CSMD1: variants seen among roughly 807,000 people sequenced by gnomAD.
The protein encoded by CSMD1 is CUB and Sushi multiple domains 1.
Under a neutral mutation model 417.5 loss-of-function variants are expected in CSMD1, and 213 were observed. That is an observed-to-expected ratio of 0.51 (90% CI 0.46 to 0.57). CSMD1 has a LOEUF of 0.57. CSMD1 is among the 20% of genes least tolerant of loss of function. CSMD1 has a pLI of 0.00. For missense variants in CSMD1, 6,923 were observed against 4,529.7 expected (o/e 1.53, Z -15.17); for synonymous variants, 2,862 against 1,736.8 (o/e 1.65, Z -16.11).
intron 2 of CSMD1, among the ~76,000 whole-genome samples, chr8:4,420,629 G>C (rs1483845234): frequency 2.0e-5 from 3 of 152,080 alleles, no homozygotes; most frequent in African/African-American, 7.2e-5. Flanking sequence ...CCACTGAGTT[G>C]GTCGTGAAAC....
chr8:3,499,963 T>C (rs6558784), intron 10 of CSMD1, among the ~76,000 whole-genome samples: 103,122 of 151,846 alleles, frequency 0.68, 35,189 homozygotes, highest in Middle Eastern at 0.74. Flanking sequence ...GGGCTGCAGG[T>C]AGCTCCCTAC....
intron 5 of CSMD1, among the ~76,000 whole-genome samples, chr8:3,913,574 G>C (rs976704268): frequency 2.6e-5 from 4 of 152,170 alleles, no homozygotes; most frequent in East Asian, 3.9e-4. Context: ...AATACGGTCA[G>C]TGAGTTCCAG....
At chr8:4,492,471 G>C (rs573945952) in intron 2 of CSMD1, among the ~76,000 whole-genome samples, 48 of 152,270 alleles carry the variant, frequency 3.2e-4, no homozygotes, top group Non-Finnish European at 4.6e-4. Flanking sequence ...CATGAGCTTA[G>C]ATTCCTCAGT....
At position 3,308,425 on chromosome 8, in the gene CSMD1, T is replaced by C. The variant is rs1360835622; in HGVS notation, c.3710A>G (p.Asp1237Gly). 1 of 1,613,772 alleles carries C rather than the reference T, an allele frequency of 6.2e-7. No homozygotes were observed. Among genetic ancestry groups the C allele is most frequent in the Admixed American group, 1.7e-5 (1 of 60,014 alleles). The change falls in exon 24 of 70, where the codon GAC (aspartate) becomes GGC (glycine). Residue 1237 changes from aspartate (D) to glycine (G), a missense_variant. Physicochemically the swap from Asp to Gly is moderately conservative, Grantham distance 94. Transcript: ENST00000635120. ...GTTGCAACTGTACAGAACTACAGTG[T>C]CGGTAAAGTGGCCTTCATCACGGAT... ...YRIRDEGHFT[D>G]TVVLYSCNPG...
intron 1 of CSMD1, among the ~76,000 whole-genome samples, chr8:4,726,778 T>A (rs1809488150): frequency 1.3e-5 from 2 of 152,230 alleles, no homozygotes; most frequent in Non-Finnish European, 2.9e-5. Flanking sequence ...ATGTTCTGGC[T>A]TGTATTAAAA....
At chr8:4,940,776 G>A (rs1352414215) in intron 1 of CSMD1, among the ~76,000 whole-genome samples, 1 of 152,134 alleles carries the variant, frequency 6.6e-6, no homozygotes, top group East Asian at 1.9e-4. Flanking sequence ...TAGAAAATGA[G>A]GGGGCAAAAA....
intron 3 of CSMD1, among the ~76,000 whole-genome samples, chr8:4,299,683 G>C (rs540324765): frequency 4.6e-5 from 7 of 152,142 alleles, no homozygotes; most frequent in Admixed American, 2.6e-4. Flanking sequence ...CGCCAGGCTG[G>C]ATGCAGTGGC....
intron 2 of CSMD1, among the ~76,000 whole-genome samples, chr8:4,467,730 T>C (rs775989784): frequency 6.6e-6 from 1 of 152,164 alleles, no homozygotes; most frequent in African/African-American, 2.4e-5. Context: ...TCAAGCCCAA[T>C]GGTAAAGCTA....
chr8:3,942,987 A>G (rs887423800), intron 5 of CSMD1, among the ~76,000 whole-genome samples: 1 of 152,124 alleles, frequency 6.6e-6, no homozygotes, highest in Admixed American at 6.6e-5. Flanking sequence ...CCAGTACGTT[A>G]CTAAGGGGAG....
intron 3 of CSMD1, among the ~76,000 whole-genome samples, chr8:4,388,469 A>G (rs757570885): frequency 4.0e-5 from 6 of 151,336 alleles, no homozygotes; most frequent in Non-Finnish European, 7.4e-5. Context: ...AACAAACATC[A>G]TATGTTCTCA....
chr8:3,485,271 T>A (rs1271033978), intron 11 of CSMD1, among the ~76,000 whole-genome samples: 1 of 152,304 alleles, frequency 6.6e-6, no homozygotes, highest in Admixed American at 6.5e-5. Flanking sequence ...GGAATTTTGC[T>A]GAGTGAGAAG....
intron 1 of CSMD1, among the ~76,000 whole-genome samples, chr8:4,738,605 C>T (rs1810397516): frequency 1.3e-5 from 2 of 152,058 alleles, no homozygotes; most frequent in Non-Finnish European, 1.5e-5. Context: ...ATATCACCAT[C>T]TAGCATCTGT....
At chr8:3,175,852 A>T (rs975065798) in intron 37 of CSMD1, among the ~76,000 whole-genome samples, 6 of 152,194 alleles carry the variant, frequency 3.9e-5, no homozygotes, top group Non-Finnish European at 7.3e-5. Context: ...GTGAATGTGA[A>T]TTAGGAGAAA....
chr8:4,969,256 A>G (rs1333733445), intron 1 of CSMD1, among the ~76,000 whole-genome samples: 4 of 152,188 alleles, frequency 2.6e-5, no homozygotes, highest in South Asian at 2.1e-4. Flanking sequence ...TTAATGTTCT[A>G]TAAGAATTAC....
chr8:4,507,643 T>G (rs1334644287), intron 2 of CSMD1, among the ~76,000 whole-genome samples: 3 of 152,242 alleles, frequency 2.0e-5, no homozygotes, highest in African/African-American at 7.2e-5. Context: ...AAAGAAAGTT[T>G]GATTAAGTGG....
chr8:3,095,346 A>G (rs1273522001), intron 47 of CSMD1, among the ~76,000 whole-genome samples: 1 of 152,120 alleles, frequency 6.6e-6, no homozygotes, highest in Non-Finnish European at 1.5e-5. Context: ...TTCTTCCTCA[A>G]CAAGAGAAAC....
chr8:3,301,666 C>T lies in CSMD1; in HGVS notation c.3950+6029G>A, dbSNP rs182601466. On this transcript the variant is annotated intron_variant, in intron 25 of 69. Transcript: ENST00000635120. ...AGTCAAGCTTTCTTTGTCCTGAAGT[C>T]GAAAGTATCCATGAGCAGCCAAAGA... Among the ~76,000 whole-genome samples, 19 of 152,178 alleles carry T rather than the reference C, an allele frequency of 1.2e-4. No homozygotes were observed. In the South Asian group the frequency reaches 3.1e-3, roughly 25 times the overall value.
chr8:4,550,101 G>C (rs1797805238), intron 2 of CSMD1, among the ~76,000 whole-genome samples: 1 of 151,734 alleles, frequency 6.6e-6, no homozygotes, highest in African/African-American at 2.4e-5. Context: ...GGGTTGCTCG[G>C]TAGAAACGGA....
intron 4 of CSMD1, among the ~76,000 whole-genome samples, chr8:4,023,599 T>G (rs1302058407): frequency 6.6e-6 from 1 of 150,660 alleles, no homozygotes; most frequent in East Asian, 2.0e-4. Flanking sequence ...TTTTTTTTTT[T>G]TTCCTGACAC....
Sources: gnomAD v4.1 joint callset for allele counts (sites outside exome capture counted in the v4.1 genomes callset) on GRCh38, gnomAD v4.1.1 for gene constraint, MANE v1.5 for transcripts, NCBI Gene and HGNC (gene_info 2026-07-23, HGNC 2026-07-21) for gene names.